Variants in SMARCC1 observed in about 807,000 individuals in gnomAD.
The protein encoded by SMARCC1 is SWI/SNF related BAF chromatin remodeling complex subunit C1.
SMARCC1 carries 43 observed loss-of-function variants against 147.4 expected under a neutral mutation model. The observed-to-expected ratio is 0.29, with a 90% CI of 0.23 to 0.38. The LOEUF (loss-of-function observed/expected upper bound fraction) is 0.38, where lower values mean the gene tolerates loss of function less well. Ranked by LOEUF, SMARCC1 falls within the 10% of genes least tolerant of loss-of-function variation. SMARCC1 has a pLI of 1.00. For synonymous variants in SMARCC1, 495 were observed against 484.4 expected (o/e 1.02, Z -0.29); for missense variants, 1,119 against 1,381.1 (o/e 0.81, Z 3.01).
chr3:47,731,284 G>A (rs766373592), intron 5 of SMARCC1, among the ~76,000 whole-genome samples: 16 of 152,264 alleles, frequency 1.1e-4, no homozygotes, highest in Middle Eastern at 6.8e-3. Flanking sequence ...TCATGAGATC[G>A]CGGCAATTCA....
rs757813423 is a variant in SMARCC1 at position 47,693,315 on chromosome 3, AAAAG to A, written c.1166-19_1166-16del. 1 of 1,462,876 alleles carries A rather than the reference AAAAG, an allele frequency of 6.8e-7. No individual in the cohort carries two copies. Among genetic ancestry groups the A allele is most frequent in the Non-Finnish European group, 9.6e-7 (1 of 1,044,802 alleles). 90.6% of individuals were successfully genotyped at this position (1,462,876 alleles called of 1,614,324 possible). On this transcript the variant is annotated splice_polypyrimidine_tract_variant and intron_variant, in intron 11 of 27. Transcript: ENST00000254480. ...CTTTAGGTTCACTAGAAAAAGAAAA[AAAAG>A]AGTTATGTTTATGTGGGAAAAGTTG...
At chr3:47,781,283 T>G (rs1189106564) in intron 1 of SMARCC1, among the ~76,000 whole-genome samples, 2 of 152,228 alleles carry the variant, frequency 1.3e-5, no homozygotes, top group Admixed American at 1.3e-4. Flanking sequence ...GGGATCATTG[T>G]TCACACACCT....
In SMARCC1 at chr3:47,661,450, ACTC is replaced by A; in HGVS notation, c.2161_2163del (p.Glu721del). Reference sequence around the variant, plus strand: ...GGTACCTCCTCCCGGACCCGAGAAAACTCCTCTGGTTCAAGAATAAAAATGGAA... The same window carrying A: ...GGTACCTCCTCCCGGACCCGAGAAAACTCTGGTTCAAGAATAAAAATGGAA... On this transcript the variant is annotated inframe_deletion and splice_region_variant, in exon 21 of 28. Transcript: ENST00000254480. 2 of 1,600,980 alleles carry A rather than the reference ACTC, an allele frequency of 1.2e-6. No homozygotes were observed.
At chr3:47,747,485 A>AT (rs71070221) in intron 2 of SMARCC1, among the ~76,000 whole-genome samples, 64 of 149,382 alleles carry the variant, frequency 4.3e-4, no homozygotes, top group Admixed American at 6.7e-4. Flanking sequence ...ATAAATATAA[A>AT]AATTAGCCAG....
chr3:47,623,582 C>T (rs913523669), intron 24 of SMARCC1, among the ~76,000 whole-genome samples: 1 of 152,048 alleles, frequency 6.6e-6, no homozygotes, highest in Non-Finnish European at 1.5e-5. Context: ...ATGTCTGCCA[C>T]CCTAAACTAC....
At chr3:47,702,257 G>T (rs2033931589) in intron 10 of SMARCC1, among the ~76,000 whole-genome samples, 1 of 145,888 alleles carries the variant, frequency 6.9e-6, no homozygotes, top group African/African-American at 2.5e-5. Flanking sequence ...CCCCAGTGAT[G>T]ATTCTTTACC....
intron 9 of SMARCC1, among the ~76,000 whole-genome samples, chr3:47,706,972 C>T (rs936128845): frequency 5.3e-5 from 8 of 152,148 alleles, no homozygotes; most frequent in Non-Finnish European, 8.8e-5. Context: ...CAGAAGATAA[C>T]TTCATGTCAT....
At chr3:47,723,704 T>C (rs1391323778) in intron 6 of SMARCC1, among the ~76,000 whole-genome samples, 1 of 151,898 alleles carries the variant, frequency 6.6e-6, no homozygotes, top group African/African-American at 2.4e-5. Context: ...TCCCAGCTAC[T>C]TGAGTGGCTG....
In SMARCC1 at chr3:47,588,255, A is replaced by C. The variant is rs976711188; in HGVS notation, c.3272T>G (p.Val1091Gly). 10 of 1,613,322 alleles carry C rather than the reference A, an allele frequency of 6.2e-6. No individual in the cohort carries two copies. The African/African-American group carries it at 1.1e-4, about 17-fold the overall frequency. ...QPPPPPPADG[V>G]PPPPAPGPPA... is the part of the protein sequence containing the mutation. ...CGGGCCAGGAGCAGGAGGCGGAGGGACCCCATCTGCAGGTGGTGGTGGCGG... is the reference window on the plus strand; with the variant it reads ...CGGGCCAGGAGCAGGAGGCGGAGGGCCCCCATCTGCAGGTGGTGGTGGCGG... The change falls in exon 28 of 28, where the codon GTC (valine) becomes GGC (glycine). Residue 1091 changes from valine (V) to glycine (G), a missense_variant. By Grantham distance (109) the Val-to-Gly change is moderately radical. This residue lies in a region of SMARCC1 where 186 missense variants were observed against 216.5 expected (regional missense o/e 0.86). Transcript: ENST00000254480.
intron 2 of SMARCC1, among the ~76,000 whole-genome samples, chr3:47,750,016 A>T (rs1362859172): frequency 6.6e-6 from 1 of 151,272 alleles, no homozygotes; most frequent in East Asian, 1.9e-4. Flanking sequence ...CGGGACATGG[A>T]GCTTGCAGTG....
chr3:47,719,697 T>C (rs890274274), intron 7 of SMARCC1, among the ~76,000 whole-genome samples: 7 of 151,940 alleles, frequency 4.6e-5, no homozygotes, highest in Non-Finnish European at 8.8e-5. Context: ...AGCGGGACTC[T>C]GTCTCAAAAA....
At chr3:47,661,677 C>CA (rs1289969332) in intron 20 of SMARCC1, among the ~76,000 whole-genome samples, 1 of 152,088 alleles carries the variant, frequency 6.6e-6, no homozygotes, top group Non-Finnish European at 1.5e-5. Context: ...CTACACATCA[C>CA]AGAGCCTTGA....
rs532998327 is a variant in SMARCC1 at position 47,652,246 on chromosome 3, G to A, written c.2320+9048C>T. Among the ~76,000 whole-genome samples the A allele has an allele frequency of 6.6e-5, 10 of 152,234 alleles. 1 individual carries two copies. In the East Asian group the frequency reaches 7.7e-4, roughly 12 times the overall value. ...CTGCCTGCCAAAATGTTGGGATTAC[G>A]AGCATAAGCCACAGCACCCAGGCTT... On this transcript the variant is annotated intron_variant, in intron 21 of 27. Coordinates refer to ENST00000254480, the MANE Select transcript of SMARCC1 (RefSeq NM_003074.4).
chr3:47,597,625 C>A (rs997114459), intron 26 of SMARCC1, among the ~76,000 whole-genome samples: 10 of 152,238 alleles, frequency 6.6e-5, no homozygotes, highest in Admixed American at 6.5e-4. Context: ...CATGCCCGGC[C>A]CACGCCAGCT....
chr3:47,708,094 T>C (rs975219914), intron 9 of SMARCC1, among the ~76,000 whole-genome samples: 16 of 108,264 alleles, frequency 1.5e-4, no homozygotes, highest in South Asian at 3.3e-4. Context: ...TTTTTTTTTT[T>C]TTTTTTTTTT....
intron 2 of SMARCC1, among the ~76,000 whole-genome samples, chr3:47,770,396 G>A (rs2034899247): frequency 6.6e-6 from 1 of 151,876 alleles, no homozygotes; most frequent in South Asian, 2.1e-4. Context: ...TGAGGCGGGT[G>A]GATCACCTGA....
intron 3 of SMARCC1, among the ~76,000 whole-genome samples, chr3:47,740,955 TG>T (rs2034503335): frequency 6.6e-6 from 1 of 151,676 alleles, no homozygotes. Context: ...TGAACATCAA[TG>T]TCTGCCCACT....
intron 17 of SMARCC1, 101 bp downstream of exon 17, chr3:47,676,525 CTAA>C (rs1354212315): frequency 1.1e-5 from 9 of 812,742 alleles, no homozygotes; most frequent in Admixed American, 2.7e-5. Context: ...AGAAATAGCA[CTAA>C]TAATAGCATT....
At chr3:47,714,669 T>C (rs2034134271) in intron 7 of SMARCC1, among the ~76,000 whole-genome samples, 179 bp from the exon 8 acceptor site, 3 of 152,068 alleles carry the variant, frequency 2.0e-5, no homozygotes, top group Admixed American at 6.6e-5. Flanking sequence ...TGGGATGTGA[T>C]TGTAGTCCCC....
Sources: gnomAD v4.1 joint callset for allele counts (sites outside exome capture counted in the v4.1 genomes callset) on GRCh38, gnomAD v4.1.1 for gene constraint, gnomAD v4.1.1 regional missense constraint, MANE v1.5 for transcripts, NCBI Gene and HGNC (gene_info 2026-07-23, HGNC 2026-07-21) for gene names.